CRTC2: variants seen among roughly 807,000 people sequenced by gnomAD.
CRTC2 encodes the protein CREB regulated transcription coactivator 2.
In CRTC2, 25 loss-of-function variants were observed where a neutral mutation model predicts 70.9. That is an observed-to-expected ratio of 0.35 (90% CI 0.26 to 0.49). The LOEUF (loss-of-function observed/expected upper bound fraction) is 0.49. CRTC2 is among the 20% of genes least tolerant of loss of function. The probability of loss-of-function intolerance (pLI) is 0.98; values close to 1 mark genes in which losing one functional copy is unlikely to be tolerated. For missense variants in CRTC2, 737 were observed against 882.6 expected, an observed-to-expected ratio of 0.83 and a Z score of 2.09; for synonymous variants, 330 against 364.1, an observed-to-expected ratio of 0.91 and a Z score of 1.07.
Position 153,953,585 on chromosome 1 carries a change from G to C in CRTC2, c.456C>G (p.Phe152Leu). Residue 152 changes from phenylalanine to leucine, a missense_variant, in exon 5 of 14, where the codon TTC becomes TTG. Physicochemically the swap from Phe to Leu is conservative, Grantham distance 22 (BLOSUM62 0). Around this residue, in one of 3 missense-constraint regions of CRTC2, gnomAD observed 699 missense variants for 823.7 expected, o/e 0.85. Transcript: ENST00000368633. ...SWRRTMAWGN[F>L]PAEKGQLFRL... ...GAAACAACTGCCCCTTCTCTGCAGG[G>C]AAATTGCCCCAGGCCATCGTCCTGG... The C allele has an allele frequency of 6.2e-7, 1 of 1,610,770 alleles. No individual in the cohort carries two copies. Among genetic ancestry groups the C allele is most frequent in the Non-Finnish European group, 8.5e-7 (1 of 1,179,230 alleles).
chr1:153,951,703 T>A, intron 10 of CRTC2, 37 bp from the exon 11 acceptor site: 1 of 1,605,402 alleles, frequency 6.2e-7, no homozygotes, highest in Non-Finnish European at 8.5e-7. Context: ...ATGCCAACAT[T>A]ACTGATGGGA....
intron 6 of CRTC2, 76 bp downstream of exon 6, chr1:153,953,190 A>G: frequency 1.2e-6 from 1 of 801,770 alleles, no homozygotes; most frequent in East Asian, 3.1e-5. Context: ...CTCAAAAAAG[A>G]AAGAAATAAT....
intron 1 of CRTC2, among the ~76,000 whole-genome samples, chr1:153,955,566 CAAAA>C (rs767615432): frequency 2.4e-5 from 1 of 41,890 alleles, no homozygotes; most frequent in Admixed American, 2.9e-4. Context: ...GACTCTGTCT[CAAAA>C]AAAAAAAAAA....
chr1:153,955,526 C>T (rs1557871751), intron 1 of CRTC2, among the ~76,000 whole-genome samples: 1 of 141,774 alleles, frequency 7.1e-6, no homozygotes, highest in South Asian at 2.3e-4. Flanking sequence ...GAGACTGTGC[C>T]ACTGCACTGC....
At chr1:153,954,596 C>T (rs1471512447) in intron 3 of CRTC2, among the ~76,000 whole-genome samples, 1 of 152,226 alleles carries the variant, frequency 6.6e-6, no homozygotes, top group African/African-American at 2.4e-5. Context: ...ACCCAATCTC[C>T]TTTAGCAGGA....
At chr1:153,954,369 A>C in intron 3 of CRTC2, 53 bp from the exon 4 acceptor site, 1 of 1,300,348 alleles carries the variant, frequency 7.7e-7, no homozygotes, top group Admixed American at 1.8e-5. Context: ...AGAGAGGCCA[A>C]ATGAGGAAAG....
chr1:153,947,767 G>A lies in CRTC2; in HGVS notation c.*342C>T. On this transcript the variant is annotated 3_prime_UTR_variant, in exon 14 of 14. Coordinates refer to ENST00000368633, the MANE Select transcript of CRTC2 (RefSeq NM_181715.3). Reference sequence around the variant, plus strand: ...CTCCTCCACTGCAAGGGGAAGAGTGGTGAGGAGGGGCTGGCACTGCCCACC... The same window carrying A: ...CTCCTCCACTGCAAGGGGAAGAGTGATGAGGAGGGGCTGGCACTGCCCACC... 1 of 306,936 alleles carries A rather than the reference G, an allele frequency of 3.3e-6. No homozygotes were observed. Among genetic ancestry groups the A allele is most frequent in the South Asian group, 3.9e-5 (1 of 25,462 alleles). The allele number at this position is 306,936 out of a possible 1,614,324, so 19.0% of individuals were successfully genotyped here. A position where few individuals can be genotyped will look rare whatever the true frequency, so the allele number is the denominator to read the frequency against.
At position 153,947,852 on chromosome 1, in the gene CRTC2, G is replaced by T. The variant is rs2102095993; in HGVS notation, c.*257C>A. ...CCCCTCTACCCCTGCTTTCCAACAG[G>T]CTCTGACCTCCAGACAGACGGTTCA... On this transcript the variant is annotated 3_prime_UTR_variant, in exon 14 of 14. Transcript: ENST00000368633. 2 of 533,688 alleles carry T rather than the reference G, an allele frequency of 3.7e-6. No individual in the cohort carries two copies. The highest frequency in any genetic ancestry group is 6.7e-5 in the East Asian group (2 of 29,972). The allele number at this position is 533,688 out of a possible 1,614,324, so 33.1% of individuals were successfully genotyped here. A position where few individuals can be genotyped will look rare whatever the true frequency, so the allele number is the denominator to read the frequency against.
At position 153,951,470 on chromosome 1, in the gene CRTC2, G is replaced by A. The variant is rs757600510; in HGVS notation, c.1194C>T (p.Ser398=). 8.1e-6 allele frequency: 13 copies of A among 1,598,340 alleles called. No homozygotes were observed. Among genetic ancestry groups the A allele is most frequent in the Non-Finnish European group, 6.8e-6 (8 of 1,172,152 alleles). The part of the protein sequence containing the change: ...GHPSLSAPAL[S]SSSSSSSTSS... ...AAGTGGAGGAGGAGGAAGAGGAGGAGGAGAGAGCCGGAGCACTGAGTGAGG... is the reference window on the plus strand; with the variant it reads ...AAGTGGAGGAGGAGGAAGAGGAGGAAGAGAGAGCCGGAGCACTGAGTGAGG... The change falls in exon 11 of 14, where the codon TCC becomes TCT. Residue 398 remains serine, a synonymous_variant. Coordinates refer to ENST00000368633, the MANE Select transcript of CRTC2 (RefSeq NM_181715.3).
At chr1:153,952,722 T>A (rs1571077623) in intron 7 of CRTC2, 83 bp downstream of exon 7, 2 of 1,607,960 alleles carry the variant, frequency 1.2e-6, no homozygotes, top group East Asian at 4.5e-5. Context: ...GAAGGAGTCC[T>A]GCTCCCTGAA....
chr1:153,949,489 C>G, intron 11 of CRTC2, 105 bp from the exon 12 acceptor site: 2 of 1,237,984 alleles, frequency 1.6e-6, no homozygotes, highest in Non-Finnish European at 2.2e-6. Flanking sequence ...CCAAAACAAA[C>G]ATGACAACAT....
rs752337255 is a variant in CRTC2 at position 153,951,449 on chromosome 1, GGAGGAGGAGGAA to G, written c.1203_1214del (p.Ser402_Ser405del). The G allele has an allele frequency of 7.5e-6, 12 of 1,600,938 alleles. No individual in the cohort carries two copies. Among genetic ancestry groups the G allele is most frequent in the African/African-American group, 1.3e-5 (1 of 74,610 alleles). ...GGGCGCCCAAAACAGGAGATGAAGT[GGAGGAGGAGGAA>G]GAGGAGGAGGAGAGAGCCGGAGCAC... On this transcript the variant is annotated inframe_deletion, in exon 11 of 14. Transcript: ENST00000368633.
At chr1:153,954,811 A>AACCCT in intron 3 of CRTC2, 62 bp downstream of exon 3, 1 of 1,399,994 alleles carries the variant, frequency 7.1e-7, no homozygotes, top group Admixed American at 1.7e-5. Context: ...GCTTCCTATG[A>AACCCT]GTCCCTGAGG....
At position 153,948,205 on chromosome 1, in the gene CRTC2, T is replaced by G. The variant is rs760241839; in HGVS notation, c.1986A>C (p.Pro662=). Residue 662 remains proline (P), a synonymous_variant, in exon 14 of 14, where the codon CCA becomes CCC. Coordinates refer to ENST00000368633, the MANE Select transcript of CRTC2 (RefSeq NM_181715.3). The part of the protein sequence containing the change: ...LGLEDELRME[P]LGLEGLNMLS... ...GCATGTTTAGCCCTTCCAGGCCCAG[T>G]GGCTCCATGCGCAGCTCATCTTCTA... 1.2e-6 allele frequency: 2 copies of G among 1,614,228 alleles called. No individual in the cohort carries two copies. Among genetic ancestry groups the G allele is most frequent in the Admixed American group, 3.3e-5 (2 of 60,026 alleles).
At chr1:153,955,519 ACT>A (rs1680575378) in intron 1 of CRTC2, among the ~76,000 whole-genome samples, 4 of 145,786 alleles carry the variant, frequency 2.7e-5, no homozygotes, top group Non-Finnish European at 6.0e-5. Flanking sequence ...GTAAGCCGAG[ACT>A]GTGCCACTGC....
intron 1 of CRTC2, among the ~76,000 whole-genome samples, chr1:153,956,961 A>G (rs1204535127): frequency 6.6e-6 from 1 of 152,194 alleles, no homozygotes; most frequent in Non-Finnish European, 1.5e-5. Flanking sequence ...TCCTGAGGGC[A>G]GGGCCTCACG....
chr1:153,956,000 G>A (rs1451926919), intron 1 of CRTC2, among the ~76,000 whole-genome samples: 1 of 152,170 alleles, frequency 6.6e-6, no homozygotes, highest in African/African-American at 2.4e-5. Context: ...AGGACTAATT[G>A]AGAGATTAAG....
intron 10 of CRTC2, 154 bp downstream of exon 10, chr1:153,951,864 A>G (rs1479305580): frequency 8.6e-7 from 1 of 1,169,576 alleles, no homozygotes; most frequent in Non-Finnish European, 1.2e-6. Flanking sequence ...ACCAGTTATC[A>G]CTGGCTGAGA....
chr1:153,949,500 T>C, intron 11 of CRTC2, 116 bp from the exon 12 acceptor site: 1 of 1,132,318 alleles, frequency 8.8e-7, no homozygotes, highest in Non-Finnish European at 1.2e-6. Flanking sequence ...ATGACAACAT[T>C]CCACATTCTC....
Sources: allele counts gnomAD v4.1 joint callset (sites outside exome capture counted in the v4.1 genomes callset), GRCh38; gene constraint gnomAD v4.1.1; regional missense constraint gnomAD v4.1.1; transcripts MANE v1.5; gene names NCBI Gene and HGNC (gene_info 2026-07-23, HGNC 2026-07-21).